The following SNTG2 variants were observed in gnomAD, a reference collection of about 807,000 sequenced individuals.
The protein encoded by SNTG2 is gamma-2-syntrophin.
A neutral mutation model predicts 70.9 loss-of-function variants in SNTG2; 74 were observed. The observed-to-expected ratio is 1.04, with a 90% CI of 0.86 to 1.27. The LOEUF (loss-of-function observed/expected upper bound fraction) is 1.27. Ranked by LOEUF, SNTG2 falls within the 50% of genes most tolerant of loss-of-function variation. SNTG2 has a pLI of 0.00. For synonymous variants in SNTG2, 278 were observed against 273.8 expected (o/e 1.02, Z -0.15); for missense variants, 717 against 690.7 (o/e 1.04, Z -0.43).
chr2:1,184,889 C>T (rs1672152609), intron 8 of SNTG2, among the ~76,000 whole-genome samples: 1 of 152,140 alleles, frequency 6.6e-6, no homozygotes, highest in Non-Finnish European at 1.5e-5. Flanking sequence ...AACAGTCCCC[C>T]AAGTTTTAAC....
At chr2:1,191,523 T>C (rs762472524) in intron 8 of SNTG2, among the ~76,000 whole-genome samples, 1 of 152,090 alleles carries the variant, frequency 6.6e-6, no homozygotes, top group African/African-American at 2.4e-5. Context: ...TGGCTGGGCG[T>C]GGTGGCTCAC....
rs370302308 is a variant in SNTG2 at position 997,974 on chromosome 2, G to A, written c.72+46906G>A. Among the ~76,000 whole-genome samples the A allele has an allele frequency of 3.3e-5, 5 of 152,274 alleles. No homozygotes were observed. In the East Asian group the frequency reaches 5.8e-4, roughly 18 times the overall value. On this transcript the variant is annotated intron_variant, in intron 1 of 16. Coordinates refer to ENST00000308624, the MANE Select transcript of SNTG2 (RefSeq NM_018968.4). ...CCTCCGCCACTCTGTCTCTGCAAGA[G>A]GCTGTTAGCCTACTCACCTGACCAG...
intron 14 of SNTG2, among the ~76,000 whole-genome samples, chr2:1,297,872 C>A (rs532573373): frequency 6.6e-6 from 1 of 152,166 alleles, no homozygotes; most frequent in East Asian, 1.9e-4. Flanking sequence ...TTTGAAAATA[C>A]CGAGTATCAG....
At chr2:964,914 C>T (rs1010690333) in intron 1 of SNTG2, among the ~76,000 whole-genome samples, 10 of 152,102 alleles carry the variant, frequency 6.6e-5, no homozygotes, top group Admixed American at 5.2e-4. Context: ...GTGGCAGCCC[C>T]CTCTGTCCTG....
At chr2:1,287,703 C>T (rs568627727) in intron 14 of SNTG2, among the ~76,000 whole-genome samples, 2 of 152,214 alleles carry the variant, frequency 1.3e-5, no homozygotes, top group Non-Finnish European at 2.9e-5. Context: ...AGGGCCGGGG[C>T]CACAGGAACA....
chr2:1,064,036 CAGA>C (rs1207644122), intron 1 of SNTG2, among the ~76,000 whole-genome samples: 1 of 151,646 alleles, frequency 6.6e-6, no homozygotes, highest in African/African-American at 2.4e-5. Flanking sequence ...ATCTTAAAAA[CAGA>C]AGATTAAAAA....
intron 14 of SNTG2, among the ~76,000 whole-genome samples, chr2:1,306,889 G>C (rs187048975): frequency 6.6e-6 from 1 of 152,174 alleles, no homozygotes; most frequent in South Asian, 2.1e-4. Flanking sequence ...AGAGCTGTGC[G>C]CTGTGTGCCC....
intron 16 of SNTG2, among the ~76,000 whole-genome samples, chr2:1,351,993 G>A (rs75051727): frequency 2.7e-3 from 413 of 152,196 alleles, no homozygotes; most frequent in African/African-American, 9.4e-3. Flanking sequence ...GACATGGTTC[G>A]GTGTCTTCCA....
chr2:1,025,866 A>ATCAT (rs756975221), intron 1 of SNTG2, among the ~76,000 whole-genome samples: 5 of 152,154 alleles, frequency 3.3e-5, no homozygotes, highest in South Asian at 2.1e-4. Context: ...CATAGACAGC[A>ATCAT]TCATTCATTC....
intron 8 of SNTG2, among the ~76,000 whole-genome samples, chr2:1,176,332 A>G (rs1458454353): frequency 6.6e-6 from 1 of 152,138 alleles, no homozygotes; most frequent in East Asian, 1.9e-4. Context: ...AGAGGATCAG[A>G]AAAAATAACT....
At chr2:1,123,151 A>G (rs1667484023) in intron 4 of SNTG2, among the ~76,000 whole-genome samples, 2 of 152,166 alleles carry the variant, frequency 1.3e-5, no homozygotes, top group Admixed American at 6.5e-5. Flanking sequence ...CCAAAGTTAT[A>G]TATAGATTCA....
chr2:1,326,932 T>G (rs1357275462), intron 16 of SNTG2, among the ~76,000 whole-genome samples: 1 of 152,030 alleles, frequency 6.6e-6, no homozygotes, highest in Non-Finnish European at 1.5e-5. Context: ...AGAATAACCT[T>G]TACATTAGGC....
At chr2:963,810 G>C (rs1660437819) in intron 1 of SNTG2, among the ~76,000 whole-genome samples, 1 of 152,136 alleles carries the variant, frequency 6.6e-6, no homozygotes, top group Admixed American at 6.6e-5. Context: ...TCTCCACTCG[G>C]TACTAAGTAT....
intron 1 of SNTG2, among the ~76,000 whole-genome samples, chr2:956,728 G>A (rs984017083): frequency 2.6e-5 from 4 of 152,262 alleles, no homozygotes; most frequent in South Asian, 4.1e-4. Context: ...GCCCTGCTGC[G>A]TGGTAGCTGA....
At chr2:1,172,046 A>C (rs943563941) in intron 7 of SNTG2, among the ~76,000 whole-genome samples, 7 of 152,234 alleles carry the variant, frequency 4.6e-5, no homozygotes, top group Non-Finnish European at 8.8e-5. Context: ...AGTTGTGTCC[A>C]CCAGGCTTTC....
intron 14 of SNTG2, among the ~76,000 whole-genome samples, chr2:1,300,022 C>CA: frequency 6.8e-6 from 1 of 146,662 alleles, no homozygotes; most frequent in African/African-American, 2.6e-5. Context: ...ACAGGTGCCT[C>CA]AAACGAGGGC....
chr2:1,267,751 T>C (rs374135801), intron 14 of SNTG2, among the ~76,000 whole-genome samples, 180 bp downstream of exon 14: 46,228 of 151,680 alleles, frequency 0.3, 7,898 homozygotes, highest in African/African-American at 0.47. Flanking sequence ...CGTGGATAAA[T>C]ATGAGCTGTA....
At chr2:1,340,072 T>A (rs1660008552) in intron 16 of SNTG2, among the ~76,000 whole-genome samples, 1 of 152,342 alleles carries the variant, frequency 6.6e-6, no homozygotes, top group African/African-American at 2.4e-5. Context: ...CGCCTCCCTC[T>A]CCATGGCCTC....
chr2:1,230,754 T>C lies in SNTG2; in HGVS notation c.720-7134T>C, dbSNP rs28455915. Among the ~76,000 whole-genome samples the C allele has an allele frequency of 9.3e-3, 1,410 of 152,292 alleles. 17 individuals carry two copies. The highest frequency in any genetic ancestry group is 0.031 in the African/African-American group (1,303 of 41,556). On this transcript the variant is annotated intron_variant, in intron 9 of 16. Transcript: ENST00000308624. ...AGGCCCGGGCCCCACACTCAGCAGC[T>C]CTTCAGCCCGGCCAGTGGCACAAGC...
Sources: allele counts gnomAD v4.1 joint callset (sites outside exome capture counted in the v4.1 genomes callset), GRCh38; gene constraint gnomAD v4.1.1; transcripts MANE v1.5; gene names NCBI Gene and HGNC (gene_info 2026-07-23, HGNC 2026-07-21).